The following ABITRAM variants were observed in gnomAD, a reference collection of about 807,000 sequenced individuals.
ABITRAM encodes actin binding transcription modulator, also known as protein Abitram.
In ABITRAM, 19 loss-of-function variants were observed where a neutral mutation model predicts 22.9. That is an observed-to-expected ratio of 0.83 (90% CI 0.58 to 1.22). ABITRAM has a LOEUF of 1.22. Ranked by LOEUF, ABITRAM falls within the 50% of genes most tolerant of loss-of-function variation. ABITRAM has a pLI of 0.00. For missense variants in ABITRAM, 215 were observed against 220.2 expected, an observed-to-expected ratio of 0.98 and a Z score of 0.15; for synonymous variants, 70 against 73.9, an observed-to-expected ratio of 0.95 and a Z score of 0.27.
chr9:108,949,965 A>G (rs1467764176), intron 3 of ABITRAM, among the ~76,000 whole-genome samples: 1 of 149,898 alleles, frequency 6.7e-6, no homozygotes, highest in Non-Finnish European at 1.5e-5. Flanking sequence ...CGGAGGTTGC[A>G]GTGAGCCGAG....
At chr9:108,949,955 C>A (rs1830511019) in intron 3 of ABITRAM, among the ~76,000 whole-genome samples, 1 of 136,456 alleles carries the variant, frequency 7.3e-6, no homozygotes, top group African/African-American at 2.8e-5. Context: ...ACTCAGGAGG[C>A]GGAGGTTGCA....
chr9:108,934,461 CGG>C lies in ABITRAM; in HGVS notation c.-22_-21del, dbSNP rs759448913. 6.4e-6 allele frequency: 10 copies of C among 1,574,420 alleles called. No individual in the cohort carries two copies. The highest frequency in any genetic ancestry group is 7.7e-6 in the Non-Finnish European group (9 of 1,162,846). ...GAGGAAGCGCTGGGGTCCCGGAGGG[CGG>C]GGGTGGCGGCGCCGGAGGTCGCCAT... On this transcript the variant is annotated 5_prime_UTR_variant, in exon 1 of 6. Coordinates refer to ENST00000322940, the MANE Select transcript of ABITRAM (RefSeq NM_017832.4).
intron 2 of ABITRAM, 160 bp downstream of exon 2, chr9:108,935,849 G>A: frequency 1.7e-6 from 1 of 593,270 alleles, no homozygotes; most frequent in Non-Finnish European, 3.0e-6. Context: ...GAGTTTGTTT[G>A]GCAAGAATGA....
chr9:108,939,033 T>C (rs1830223551), intron 3 of ABITRAM, among the ~76,000 whole-genome samples, 163 bp from the exon 4 acceptor site: 1 of 152,246 alleles, frequency 6.6e-6, no homozygotes, highest in Admixed American at 6.5e-5. Context: ...TAGGTACTTA[T>C]ATTCATATAG....
intron 3 of ABITRAM, among the ~76,000 whole-genome samples, chr9:108,938,643 T>C (rs374298894): frequency 2.1e-5 from 3 of 143,906 alleles, no homozygotes; most frequent in Admixed American, 7.2e-5. Flanking sequence ...TTTTTGTTTT[T>C]CTTAACTAGA....
chr9:108,939,272 G>C lies in ABITRAM; in HGVS notation c.338G>C (p.Ser113Thr). ...GATGGTGAAGAATATACTGTGTCTA[G>C]GTGAGTAACTTTTTAGCCACCATTT... ...CSDGEEYTVS[S>T]CVRGRLMEVN... is the part of the protein sequence containing the mutation. The change falls in exon 4 of 6, where the codon AGT becomes ACT. Residue 113 changes from serine (S) to threonine (T), a missense_variant and splice_region_variant. Transcript: ENST00000322940. 2.5e-6 allele frequency: 4 copies of C among 1,610,828 alleles called. No homozygotes were observed. The highest frequency in any genetic ancestry group is 3.4e-6 in the Non-Finnish European group (4 of 1,179,170).
At position 108,939,224 on chromosome 9, in the gene ABITRAM, C is replaced by T. The variant is rs1830227019; in HGVS notation, c.290C>T (p.Pro97Leu). 6.2e-7 allele frequency: 1 copy of T among 1,613,802 alleles called. No homozygotes were observed. Among genetic ancestry groups the T allele is most frequent in the Non-Finnish European group, 8.5e-7 (1 of 1,179,898 alleles). ...GCACAGTTTCTAACAGAGCTTGCAC[C>T]TCTCTGTAAGATTTACTGCTCAGAT... is the stretch of plus-strand genomic sequence containing the variant. ...RGAQFLTELA[P>L]LCKIYCSDGE... Residue 97 changes from proline (P) to leucine (L), a missense_variant, in exon 4 of 6, where the codon CCT (proline) becomes CTT (leucine). Pro to Leu is a moderately conservative substitution (Grantham distance 98). Coordinates refer to ENST00000322940, the MANE Select transcript of ABITRAM (RefSeq NM_017832.4).
Position 108,939,732 on chromosome 9 carries a change from C to T in ABITRAM, c.*46C>T. The T allele has an allele frequency of 6.2e-7, 1 of 1,604,254 alleles. No homozygotes were observed. The highest frequency in any genetic ancestry group is 1.1e-5 in the South Asian group (1 of 89,478). ...GCAAAGTGGGATTCTTGTTACCTGGCCTAAACCATCAGGGTACTAAAGGAG... is the reference window on the plus strand; with the variant it reads ...GCAAAGTGGGATTCTTGTTACCTGGTCTAAACCATCAGGGTACTAAAGGAG... On this transcript the variant is annotated 3_prime_UTR_variant, in exon 6 of 6. Coordinates refer to ENST00000322940, the MANE Select transcript of ABITRAM (RefSeq NM_017832.4).
At chr9:108,943,138 T>C (rs145462300), downstream of ABITRAM, 2 of 1,135,586 alleles carry the variant, frequency 1.8e-6, no homozygotes, top group East Asian at 2.6e-5. Flanking sequence ...AATTTCTCCA[T>C]ATGGAAATCT....
At position 108,939,985 on chromosome 9, in the gene ABITRAM, A is replaced by G. The variant is rs1311989664; in HGVS notation, c.*299A>G. ...TAAAAACAAACAAAGCTCTTTGAAG[A>G]AGATTTAGAAAATACAGAAGAGTTT... On this transcript the variant is annotated 3_prime_UTR_variant, in exon 6 of 6. Transcript: ENST00000322940. 8 of 280,616 alleles carry G rather than the reference A, an allele frequency of 2.9e-5. No individual in the cohort carries two copies. The Admixed American group carries it at 3.8e-4, about 13-fold the overall frequency. The allele number at this position is 280,616 out of a possible 1,614,324, so 17.4% of individuals were successfully genotyped here.
intron 1 of ABITRAM, 118 bp downstream of exon 1, chr9:108,934,683 G>GTCCAGTGCCTTCTGAC: frequency 1.0e-6 from 1 of 955,598 alleles, no homozygotes; most frequent in Non-Finnish European, 1.6e-6. Context: ...CACGTCAGAA[G>GTCCAGTGCCTTCTGAC]GCACTGGACT....
In ABITRAM at chr9:108,934,494, C is replaced by G; in HGVS notation, c.8C>G (p.Thr3Ser). Residue 3 changes from threonine to serine, a missense_variant, in exon 1 of 6, where the codon ACC becomes AGC. Thr to Ser is a moderately conservative substitution (Grantham distance 58). Coordinates refer to ENST00000322940, the MANE Select transcript of ABITRAM (RefSeq NM_017832.4). ...GCGGCGCCGGAGGTCGCCATGGCTA[C>G]CGAGCCCGAAGCCGCGGAGCCGGTG... Reference protein sequence around the residue: MATEPEAAEPVVP... With the variant: MASEPEAAEPVVP... 1 of 1,603,336 alleles carries G rather than the reference C, an allele frequency of 6.2e-7. No individual in the cohort carries two copies.
chr9:108,935,297 AACC>A (rs1407417756), intron 1 of ABITRAM, among the ~76,000 whole-genome samples: 1 of 152,194 alleles, frequency 6.6e-6, no homozygotes, highest in Non-Finnish European at 1.5e-5. Context: ...CAGTCCTGGA[AACC>A]ACCAACAAAA....
chr9:108,937,958 C>G (rs1010458393), intron 3 of ABITRAM, among the ~76,000 whole-genome samples: 1 of 147,528 alleles, frequency 6.8e-6, no homozygotes, highest in African/African-American at 2.5e-5. Context: ...GATGGCAGCA[C>G]TGCACTCCAG....
chr9:108,934,419 C>G lies in ABITRAM; in HGVS notation c.-68C>G, dbSNP rs375072787. On this transcript the variant is annotated 5_prime_UTR_variant, in exon 1 of 6. Coordinates refer to ENST00000322940, the MANE Select transcript of ABITRAM (RefSeq NM_017832.4). The stretch of plus-strand genomic sequence containing the variant: ...CGCGCTGTGCGCCGGAAGAGCACGC[C>G]CAGTCCGGGCTGCGCGGAGGAAGCG... The G allele has an allele frequency of 1.6e-4, 230 of 1,407,494 alleles. No homozygotes were observed. Among genetic ancestry groups the G allele is most frequent in the Non-Finnish European group, 2.2e-4 (225 of 1,041,162 alleles). The allele number at this position is 1,407,494 out of a possible 1,614,324, so 87.2% of individuals were successfully genotyped here.
chr9:108,937,973 G>T (rs1020838497), intron 3 of ABITRAM, among the ~76,000 whole-genome samples: 5 of 144,384 alleles, frequency 3.5e-5, no homozygotes, highest in African/African-American at 1.3e-4. Flanking sequence ...CTCCAGCCTG[G>T]ATGACAGAAC....
In ABITRAM at chr9:108,940,679, T is replaced by C. The variant is rs1444638210; in HGVS notation, c.*993T>C. The C allele has an allele frequency of 2.6e-5, 4 of 152,192 alleles. No individual in the cohort carries two copies. Among genetic ancestry groups the C allele is most frequent in the Admixed American group, 2.0e-4 (3 of 15,284 alleles). The allele number at this position is 152,192 out of a possible 1,614,324, so 9.4% of individuals were successfully genotyped here. ...CAGCGGGAAGCTAATTCTTGAAATA[T>C]GCACATTATAGTTACTCAGTCTCAC... On this transcript the variant is annotated 3_prime_UTR_variant, in exon 6 of 6. Coordinates refer to ENST00000322940, the MANE Select transcript of ABITRAM (RefSeq NM_017832.4).
At chr9:108,949,082 A>T (rs940053010) in intron 3 of ABITRAM, among the ~76,000 whole-genome samples, 3 of 152,230 alleles carry the variant, frequency 2.0e-5, no homozygotes, top group African/African-American at 7.2e-5. Flanking sequence ...GAATGATTAC[A>T]TGTAAATCAT....
Position 108,934,472 on chromosome 9 carries a change from G to A in ABITRAM, c.-15G>A, listed in dbSNP as rs1204186555. 8.2e-6 allele frequency: 13 copies of A among 1,591,202 alleles called. No individual in the cohort carries two copies. The highest frequency in any genetic ancestry group is 1.0e-5 in the Non-Finnish European group (12 of 1,170,796). ...GGGGTCCCGGAGGGCGGGGGTGGCGGCGCCGGAGGTCGCCATGGCTACCGA... is the reference window on the plus strand; with the variant it reads ...GGGGTCCCGGAGGGCGGGGGTGGCGACGCCGGAGGTCGCCATGGCTACCGA... On this transcript the variant is annotated 5_prime_UTR_variant, in exon 1 of 6. Transcript: ENST00000322940.
Sources: allele counts gnomAD v4.1 joint callset (sites outside exome capture counted in the v4.1 genomes callset), GRCh38; gene constraint gnomAD v4.1.1; transcripts MANE v1.5; gene names NCBI Gene and HGNC (gene_info 2026-07-23, HGNC 2026-07-21).